The following FUS variants were observed in gnomAD, a reference collection of about 807,000 sequenced individuals.
The protein encoded by FUS is FUS RNA binding protein.
In FUS, 5 loss-of-function variants were observed where a neutral mutation model predicts 82.7. The observed-to-expected ratio is 0.06, with a 90% CI of 0.03 to 0.13. The LOEUF is 0.13. Among genes scored for constraint, FUS ranks in the 10% least tolerant of loss-of-function variants. The probability of loss-of-function intolerance (pLI) is 1.00; values close to 1 mark genes in which losing one functional copy is unlikely to be tolerated. For synonymous variants in FUS, 281 were observed against 247.4 expected (o/e 1.14, Z -1.27); for missense variants, 512 against 707.8 (o/e 0.72, Z 3.14).
chr16:31,191,552 A>G lies in FUS; in HGVS notation c.*114A>G, dbSNP rs757658403. 9.6e-6 allele frequency: 11 copies of G among 1,146,006 alleles called. No homozygotes were observed. The South Asian group carries it at 1.0e-4, about 10-fold the overall frequency. 71.0% of individuals were successfully genotyped at this position (1,146,006 alleles called of 1,614,324 possible). On this transcript the variant is annotated 3_prime_UTR_variant, in exon 15 of 15. Transcript: ENST00000254108. ...CCCAAGGGTTTTTTTGTGTCGGACTATGTAATTGTAACTATACCTCTGGTT... is the reference window on the plus strand; with the variant it reads ...CCCAAGGGTTTTTTTGTGTCGGACTGTGTAATTGTAACTATACCTCTGGTT...
chr16:31,180,327 G>C, intron 1 of FUS, 100 bp downstream of exon 1: 1 of 1,473,794 alleles, frequency 6.8e-7, no homozygotes, highest in Non-Finnish European at 9.2e-7. Flanking sequence ...TCCCGTGTGG[G>C]ATTTTTTGGC....
downstream of FUS, chr16:31,193,817 T>TA: frequency 2.0e-6 from 1 of 511,160 alleles, no homozygotes; most frequent in Non-Finnish European, 3.8e-6. Context: ...TTTTTTTAAT[T>TA]ACTTTTTTTT....
At chr16:31,189,980 G>T (rs964288416) in intron 10 of FUS, 60 bp from the exon 11 acceptor site, 1 of 1,565,460 alleles carries the variant, frequency 6.4e-7, no homozygotes, top group Non-Finnish European at 8.7e-7. Context: ...CGCTTCTCTT[G>T]TATTTTCGGA....
chr16:31,181,540 C>A (rs144190096), intron 1 of FUS, among the ~76,000 whole-genome samples: 2 of 152,246 alleles, frequency 1.3e-5, no homozygotes, highest in East Asian at 3.9e-4. Context: ...TCTTTTGATT[C>A]TCTGGCTTTG....
chr16:31,182,775 G>GGT (rs1209877669), intron 3 of FUS, 111 bp downstream of exon 3: 8 of 1,356,342 alleles, frequency 5.9e-6, no homozygotes, highest in African/African-American at 1.4e-5. Flanking sequence ...GGAGTGCAGT[G>GGT]GTGCTGTCTC....
chr16:31,192,482 T>G, downstream of FUS: 1 of 517,382 alleles, frequency 1.9e-6, no homozygotes, highest in East Asian at 4.2e-5. Context: ...CGAACTTGGT[T>G]TGTAAGACAG....
intron 7 of FUS, chr16:31,188,043 A>G (rs2079296149): frequency 1.9e-6 from 1 of 529,174 alleles, no homozygotes; most frequent in East Asian, 3.2e-5. Context: ...TGTGCTGAGG[A>G]CATTTCCCAG....
intron 8 of FUS, chr16:31,188,870 T>G: frequency 1.8e-6 from 1 of 540,662 alleles, no homozygotes; most frequent in Non-Finnish European, 3.3e-6. Context: ...TGTTGGGCAT[T>G]TCACTCCTGA....
chr16:31,180,554 C>A (rs1485949962), intron 1 of FUS, among the ~76,000 whole-genome samples: 1 of 152,210 alleles, frequency 6.6e-6, no homozygotes, highest in Non-Finnish European at 1.5e-5. Context: ...CCCCAACTCC[C>A]GGCCCCGCGC....
intron 11 of FUS, 41 bp from the exon 12 acceptor site, chr16:31,190,234 T>G (rs200848908): frequency 1.2e-6 from 2 of 1,613,784 alleles, no homozygotes; most frequent in Admixed American, 1.7e-5. Flanking sequence ...TTTACCAAAC[T>G]TGGAGAGGGA....
chr16:31,191,202 G>C, intron 14 of FUS, 92 bp downstream of exon 14: 1 of 1,549,398 alleles, frequency 6.5e-7, no homozygotes, highest in Non-Finnish European at 8.8e-7. Flanking sequence ...TCATTTTGAG[G>C]GCTAGGTGGA....
chr16:31,186,307 T>C, intron 6 of FUS: 1 of 307,956 alleles, frequency 3.2e-6, no homozygotes, highest in Non-Finnish European at 6.1e-6. Flanking sequence ...TTTGTCTTGC[T>C]TTAAGGGGAA....
At chr16:31,189,816 G>C in intron 10 of FUS, 22 bp downstream of exon 10, 1 of 1,613,904 alleles carries the variant, frequency 6.2e-7, no homozygotes, top group Non-Finnish European at 8.5e-7. Context: ...AAGGCTGGCA[G>C]AGGTGGGGCT....
At chr16:31,192,740 T>G (rs1323278196), downstream of FUS, 8 of 480,334 alleles carry the variant, frequency 1.7e-5, no homozygotes, top group Non-Finnish European at 3.3e-5. Flanking sequence ...CCACCTAGTT[T>G]TTGCATTTTT....
At chr16:31,182,764 T>G in intron 3 of FUS, 100 bp downstream of exon 3, 1 of 1,420,362 alleles carries the variant, frequency 7.0e-7, no homozygotes, top group African/African-American at 1.4e-5. Flanking sequence ...TTGCCCAGGC[T>G]GGAGTGCAGT....
rs1361247352 is a variant in FUS at position 31,184,415 on chromosome 16, T to C, written c.523+19T>C. ...GGTGGAGGTGAGATGTCTTCAGCTT[T>C]GTCTGCAGCCCATTTTCTTTTTCTT... On this transcript the variant is annotated intron_variant, in intron 5 of 14. Coordinates refer to ENST00000254108, the MANE Select transcript of FUS (RefSeq NM_004960.4). 6 of 1,601,622 alleles carry C rather than the reference T, an allele frequency of 3.7e-6. No homozygotes were observed. The highest frequency in any genetic ancestry group is 1.7e-5 in the Admixed American group (1 of 59,448).
rs781445592 is a variant in FUS at position 31,185,102 on chromosome 16, T to C, written c.687T>C (p.Gly229=). 1.3e-4 allele frequency: 203 copies of C among 1,604,260 alleles called. No homozygotes were observed. The highest frequency in any genetic ancestry group is 6.7e-4 in the Middle Eastern group (4 of 6,004). Residue 229 remains glycine (G), a synonymous_variant, in exon 6 of 15, where the codon GGT becomes GGC. Transcript: ENST00000254108. The part of the protein sequence containing the change: ...GGSGGGGGGG[G]GGYNRSSGGY... Reference sequence around the variant, plus strand: ...GTGGTGGCGGCGGCGGCGGCGGCGGTGGTGGTTACAACCGCAGCAGTGGTG... The same window carrying C: ...GTGGTGGCGGCGGCGGCGGCGGCGGCGGTGGTTACAACCGCAGCAGTGGTG...
chr16:31,189,941 A>G (rs1245023659), intron 10 of FUS, 99 bp from the exon 11 acceptor site: 2 of 1,561,588 alleles, frequency 1.3e-6, no homozygotes, highest in Non-Finnish European at 1.8e-6. Context: ...CTTATGTGTC[A>G]GCAGATTATA....
intron 6 of FUS, 135 bp downstream of exon 6, chr16:31,185,314 G>A: frequency 1.8e-6 from 2 of 1,136,838 alleles, no homozygotes; most frequent in Non-Finnish European, 2.5e-6. Flanking sequence ...TGATTTGGGG[G>A]CAGTGACTTT....
Sources: allele counts gnomAD v4.1 joint callset (sites outside exome capture counted in the v4.1 genomes callset), GRCh38; gene constraint gnomAD v4.1.1; transcripts MANE v1.5; gene names NCBI Gene and HGNC (gene_info 2026-07-23, HGNC 2026-07-21).